The following MIA2 variants were observed in gnomAD, a reference collection of about 807,000 sequenced individuals.
The protein encoded by MIA2 is MIA SH3 domain ER export factor 2, also known as melanoma inhibitory activity protein 2.
Under a neutral mutation model 167.8 loss-of-function variants are expected in MIA2, and 127 were observed. The observed-to-expected ratio is 0.76, with a 90% CI of 0.66 to 0.88. The LOEUF (loss-of-function observed/expected upper bound fraction) is 0.88, where lower values mean the gene tolerates loss of function less well. Among genes scored for constraint, MIA2 ranks in the 40% least tolerant of loss-of-function variants. The pLI is 0.00. For synonymous variants in MIA2, 552 were observed against 541.9 expected, an observed-to-expected ratio of 1.02 and a Z score of -0.26; for missense variants, 1,690 against 1,624.7, an observed-to-expected ratio of 1.04 and a Z score of -0.69.
chr14:39,270,581 C>T (rs1003257130), intron 6 of MIA2, among the ~76,000 whole-genome samples: 6 of 151,672 alleles, frequency 4.0e-5, no homozygotes, highest in East Asian at 2.0e-4. Context: ...CAGGCTGGAG[C>T]GTAGTGGCGT....
chr14:39,374,201 C>G (rs2075004588), intron 23 of MIA2, among the ~76,000 whole-genome samples: 1 of 152,158 alleles, frequency 6.6e-6, no homozygotes, highest in African/African-American at 2.4e-5. Flanking sequence ...CTGAGAATTT[C>G]TCAGAGTTGA....
intron 25 of MIA2, among the ~76,000 whole-genome samples, chr14:39,331,638 G>A (rs1029850932): frequency 6.6e-6 from 1 of 152,184 alleles, no homozygotes; most frequent in African/African-American, 2.4e-5. Context: ...AGGAGCCCTT[G>A]TAAGGCAGGC....
At chr14:39,355,467 T>A (rs2074498040), downstream of MIA2, among the ~76,000 whole-genome samples, 1 of 151,964 alleles carries the variant, frequency 6.6e-6, no homozygotes, top group East Asian at 1.9e-4. Flanking sequence ...GACAATGGGG[T>A]TTTCTAGATA....
At chr14:39,248,396 C>G (rs548441759) in intron 4 of MIA2, among the ~76,000 whole-genome samples, 5 of 150,320 alleles carry the variant, frequency 3.3e-5, no homozygotes, top group Admixed American at 1.3e-4. Context: ...TAATTTTTAT[C>G]AGAATATTGT....
At chr14:39,243,122 C>CAAAA (rs112534680) in intron 3 of MIA2, among the ~76,000 whole-genome samples, 5 of 127,438 alleles carry the variant, frequency 3.9e-5, no homozygotes, top group African/African-American at 1.1e-4. Flanking sequence ...AACTTTGTCT[C>CAAAA]AAAAAAAAAA....
intron 24 of MIA2, among the ~76,000 whole-genome samples, chr14:39,324,325 C>G (rs979620746): frequency 1.3e-5 from 2 of 152,046 alleles, no homozygotes; most frequent in Non-Finnish European, 2.9e-5. Context: ...CCTTCTTCTT[C>G]TAATGAGCTA....
intron 25 of MIA2, among the ~76,000 whole-genome samples, chr14:39,341,781 TTGAA>T (rs1409668761): frequency 2.6e-5 from 4 of 152,176 alleles, no homozygotes; most frequent in South Asian, 2.1e-4. Flanking sequence ...GGTCATAAAT[TTGAA>T]TGAAAAGCAG....
At position 39,247,088 on chromosome 14, in the gene MIA2, A is replaced by G; in HGVS notation, c.514A>G (p.Thr172Ala). Residue 172 changes from threonine (T) to alanine (A), a missense_variant, in exon 4 of 29, where the codon ACT becomes GCT. By Grantham distance (58) the Thr-to-Ala change is moderately conservative. Coordinates refer to ENST00000640607, the MANE Select transcript of MIA2 (RefSeq NM_001329214.4). ...TGGATTTTATGCAACTTATGAAAGT[A>G]CTTTGTTTGAAGACCAAGTTCCAGC... ...EPGFYATYES[T>A]LFEDQVPALE... 1 of 1,608,180 alleles carries G rather than the reference A, an allele frequency of 6.2e-7. No individual in the cohort carries two copies. Among genetic ancestry groups the G allele is most frequent in the Non-Finnish European group, 8.5e-7 (1 of 1,178,572 alleles).
At chr14:39,310,109 C>G (rs2063976990) in intron 18 of MIA2, among the ~76,000 whole-genome samples, 1 of 152,076 alleles carries the variant, frequency 6.6e-6, no homozygotes, top group African/African-American at 2.4e-5. Context: ...TCAGTACATG[C>G]AAAGCTTTTG....
At chr14:39,377,284 A>C (rs1595961545) in intron 23 of MIA2, among the ~76,000 whole-genome samples, 1 of 152,104 alleles carries the variant, frequency 6.6e-6, no homozygotes, top group East Asian at 1.9e-4. Context: ...AGGCCATATT[A>C]CTCTGAAGTC....
chr14:39,381,852 C>G (rs1338656651), intron 23 of MIA2, among the ~76,000 whole-genome samples: 3 of 135,646 alleles, frequency 2.2e-5, no homozygotes, highest in African/African-American at 8.6e-5. Context: ...ACAACAACAA[C>G]AAGAACAATT....
At chr14:39,280,335 T>C (rs143049109) in intron 9 of MIA2, among the ~76,000 whole-genome samples, 116 of 152,294 alleles carry the variant, frequency 7.6e-4, no homozygotes, top group African/African-American at 2.7e-3. Context: ...AACATTCTTC[T>C]ACAAGTTTTT....
chr14:39,299,268 T>C (rs1210500724), intron 13 of MIA2, among the ~76,000 whole-genome samples: 1 of 149,752 alleles, frequency 6.7e-6, no homozygotes, highest in Non-Finnish European at 1.5e-5. Context: ...AGAATACTGT[T>C]GTGGAGAATC....
chr14:39,266,765 G>A (rs2055742206), intron 6 of MIA2: 2 of 983,554 alleles, frequency 2.0e-6, no homozygotes, highest in African/African-American at 1.8e-5. Context: ...GCAGGGCGCA[G>A]ACAGCAGGCT....
intron 2 of MIA2, among the ~76,000 whole-genome samples, chr14:39,239,042 G>C (rs777990897): frequency 4.6e-5 from 7 of 152,084 alleles, no homozygotes; most frequent in Non-Finnish European, 7.4e-5. Flanking sequence ...TGGTCGACTT[G>C]ATACATGTAT....
chr14:39,278,331 G>A (rs922014261), intron 7 of MIA2, among the ~76,000 whole-genome samples: 1 of 152,104 alleles, frequency 6.6e-6, no homozygotes, highest in African/African-American at 2.4e-5. Context: ...TTTTACTTCT[G>A]ACTTCCCTAT....
chr14:39,327,312 A>G (rs2067781526), intron 25 of MIA2, among the ~76,000 whole-genome samples: 1 of 152,206 alleles, frequency 6.6e-6, no homozygotes, highest in African/African-American at 2.4e-5. Context: ...ATGTGTAAAG[A>G]AGTGAAAAAT....
At chr14:39,272,573 T>TC (rs1272643037) in intron 6 of MIA2, among the ~76,000 whole-genome samples, 2 of 152,174 alleles carry the variant, frequency 1.3e-5, no homozygotes, top group African/African-American at 4.8e-5. Context: ...TTTGGCTGCC[T>TC]CCTGCCACTC....
chr14:39,275,727 T>C (rs1566671676), intron 6 of MIA2, among the ~76,000 whole-genome samples: 1 of 152,148 alleles, frequency 6.6e-6, no homozygotes, highest in Non-Finnish European at 1.5e-5. Flanking sequence ...ATGCCTTTTT[T>C]CCCCCAATAG....
Sources: allele counts gnomAD v4.1 joint callset (sites outside exome capture counted in the v4.1 genomes callset), GRCh38; gene constraint gnomAD v4.1.1; transcripts MANE v1.5; gene names NCBI Gene and HGNC (gene_info 2026-07-23, HGNC 2026-07-21).